Variants in ABCA8 observed in about 807,000 individuals in gnomAD.
ABCA8 encodes ABC-type organic anion transporter ABCA8.
A neutral mutation model predicts 192.3 loss-of-function variants in ABCA8; 177 were observed. The ratio of observed to expected loss-of-function variants is 0.92; its 90% confidence interval spans 0.81 to 1.04. The LOEUF (loss-of-function observed/expected upper bound fraction) is 1.04. Among genes scored for constraint, ABCA8 ranks in the 50% least tolerant of loss-of-function variants. ABCA8 has a pLI of 0.00. For synonymous variants in ABCA8, 642 were observed against 690.2 expected (o/e 0.93, Z 1.09); for missense variants, 1,915 against 1,904.8 (o/e 1.01, Z -0.10).
chr17:68,919,202 C>A (rs1040749894), intron 14 of ABCA8, 99 bp downstream of exon 14: 6 of 1,150,474 alleles, frequency 5.2e-6, no homozygotes, highest in Middle Eastern at 2.2e-4. Context: ...AACAATTGTA[C>A]AATGATTTGC....
intron 27 of ABCA8, 43 bp from the exon 28 acceptor site, chr17:68,884,439 T>G: frequency 6.5e-7 from 1 of 1,541,266 alleles, no homozygotes. Context: ...GTTTTTTGTT[T>G]CCTGAATTTT....
intron 33 of ABCA8, 133 bp downstream of exon 33, chr17:68,877,386 A>T: frequency 1.4e-6 from 1 of 708,938 alleles, no homozygotes; most frequent in Non-Finnish European, 2.2e-6. Context: ...AGGAGTTTCT[A>T]GTTGTAAATC....
At chr17:68,877,297 G>A in intron 33 of ABCA8, 1 of 391,096 alleles carries the variant, frequency 2.6e-6, no homozygotes, top group Non-Finnish European at 4.4e-6. Flanking sequence ...GGGGTTAGAG[G>A]CATGAGCCAC....
intron 29 of ABCA8, among the ~76,000 whole-genome samples, chr17:68,883,060 A>G (rs2066372741): frequency 1.3e-5 from 2 of 152,202 alleles, no homozygotes; most frequent in Non-Finnish European, 2.9e-5. Flanking sequence ...AGTTTCTAGC[A>G]AAATACAAGT....
intron 5 of ABCA8, among the ~76,000 whole-genome samples, chr17:68,935,057 A>AT (rs1447211034): frequency 1.5e-5 from 2 of 132,738 alleles, no homozygotes; most frequent in Non-Finnish European, 3.3e-5. Context: ...TTTTTGTTAG[A>AT]TTTTTCTGTT....
At chr17:68,893,214 A>G (rs2066657618) in intron 23 of ABCA8, among the ~76,000 whole-genome samples, 1 of 152,174 alleles carries the variant, frequency 6.6e-6, no homozygotes, top group Non-Finnish European at 1.5e-5. Flanking sequence ...GGTATTTATA[A>G]AGTGTTAAAA....
chr17:68,916,330 A>G (rs528237972), intron 17 of ABCA8, among the ~76,000 whole-genome samples: 56 of 152,266 alleles, frequency 3.7e-4, no homozygotes, highest in Admixed American at 9.8e-4. Flanking sequence ...TAATATTGCA[A>G]TATATTGTTG....
chr17:68,952,430 G>A (rs982986012), intron 1 of ABCA8, among the ~76,000 whole-genome samples: 8 of 152,110 alleles, frequency 5.3e-5, no homozygotes, highest in South Asian at 4.1e-4. Flanking sequence ...TTGTTAGCTC[G>A]GATGGTCTCG....
At chr17:68,953,925 T>A (rs1437445610) in intron 1 of ABCA8, among the ~76,000 whole-genome samples, 1 of 152,108 alleles carries the variant, frequency 6.6e-6, no homozygotes, top group Non-Finnish European at 1.5e-5. Flanking sequence ...TTAGGTAAAA[T>A]CCATGGGATA....
chr17:68,898,785 A>G (rs1459927181), intron 21 of ABCA8, among the ~76,000 whole-genome samples: 1 of 152,062 alleles, frequency 6.6e-6, no homozygotes, highest in Non-Finnish European at 1.5e-5. Flanking sequence ...AGAACAAGAA[A>G]TGGTAAATAA....
intron 21 of ABCA8, among the ~76,000 whole-genome samples, chr17:68,901,136 T>A (rs762404193): frequency 6.6e-6 from 1 of 152,008 alleles, no homozygotes; most frequent in Non-Finnish European, 1.5e-5. Context: ...TGTTCACTTC[T>A]CTGAGCATAT....
rs747557907 is a variant in ABCA8 at position 68,918,153 on chromosome 17, C to T, written c.1941G>A (p.Leu647=). 4 of 1,613,976 alleles carry T rather than the reference C, an allele frequency of 2.5e-6. No homozygotes were observed. The highest frequency in any genetic ancestry group is 3.4e-6 in the Non-Finnish European group (4 of 1,179,994). The stretch of plus-strand genomic sequence containing the variant: ...ATACTTGGTGTCTTGAAAAGGGATC[C>T]AATCCAGCAGTTGGTTCATCCAACA... The part of the protein sequence containing the change: ...IFLLDEPTAG[L]DPFSRHQVWN... Residue 647 remains leucine (L), a synonymous_variant, in exon 16 of 40, where the codon TTG becomes TTA. Transcript: ENST00000586539.
chr17:68,871,436 A>T (rs776256166), intron 37 of ABCA8, among the ~76,000 whole-genome samples: 12 of 152,176 alleles, frequency 7.9e-5, no homozygotes, highest in Admixed American at 4.6e-4. Flanking sequence ...AAACGATAGC[A>T]CCATCCTAAC....
intron 5 of ABCA8, among the ~76,000 whole-genome samples, 171 bp downstream of exon 5, chr17:68,936,780 C>T (rs1028086488): frequency 1.4e-4 from 22 of 151,842 alleles, no homozygotes; most frequent in Non-Finnish European, 1.0e-4. Context: ...GACCACTTAT[C>T]GATATGTTCT....
intron 17 of ABCA8, among the ~76,000 whole-genome samples, chr17:68,917,095 C>A (rs1371121406): frequency 6.6e-6 from 1 of 152,038 alleles, no homozygotes; most frequent in Non-Finnish European, 1.5e-5. Flanking sequence ...CGGTGAAACC[C>A]CGACTCTACC....
intron 33 of ABCA8, 82 bp downstream of exon 33, chr17:68,877,437 C>A: frequency 1.5e-6 from 2 of 1,354,078 alleles, no homozygotes; most frequent in Non-Finnish European, 2.0e-6. Context: ...GTCTCCCATC[C>A]TGAATTTCCT....
chr17:68,902,883 C>T lies in ABCA8; in HGVS notation c.2598-4G>A. The T allele has an allele frequency of 6.2e-7, 1 of 1,604,538 alleles. No homozygotes were observed. The highest frequency in any genetic ancestry group is 8.5e-7 in the Non-Finnish European group (1 of 1,175,058). ...TCCAGCCATTAGAATTAATAGCCTA[C>T]ACAAAAGAAAATTGCCAAAATGAAT... On this transcript the variant is annotated splice_region_variant and splice_polypyrimidine_tract_variant and intron_variant, in intron 20 of 39. Transcript: ENST00000586539.
intron 2 of ABCA8, among the ~76,000 whole-genome samples, chr17:68,946,461 G>A (rs1470104924): frequency 1.3e-5 from 2 of 152,124 alleles, no homozygotes; most frequent in African/African-American, 2.4e-5. Flanking sequence ...TGGAATATAT[G>A]CAGAAGAAAT....
chr17:68,929,159 C>G lies in ABCA8; in HGVS notation c.1015G>C (p.Val339Leu). The G allele has an allele frequency of 1.9e-6, 3 of 1,611,446 alleles. No individual in the cohort carries two copies. Among genetic ancestry groups the G allele is most frequent in the Non-Finnish European group, 8.5e-7 (1 of 1,178,484 alleles). The change falls in exon 9 of 40, where the codon GTC becomes CTC. Residue 339 changes from valine (V) to leucine (L), a missense_variant. By Grantham distance (32) the Val-to-Leu change is conservative. Transcript: ENST00000586539. ...GTGAACCCCAGACACCCCCAAAAGA[C>G]AGTGAGGAGGAACACGACCAGGCCG... is the stretch of plus-strand genomic sequence containing the variant. ...LTGLVVFLLT[V>L]FWGCLGFTSL... is the part of the protein sequence containing the mutation.
Sources: gnomAD v4.1 joint callset for allele counts (sites outside exome capture counted in the v4.1 genomes callset) on GRCh38, gnomAD v4.1.1 for gene constraint, MANE v1.5 for transcripts, NCBI Gene and HGNC (gene_info 2026-07-23, HGNC 2026-07-21) for gene names.